PCDHGA4: variants seen among roughly 807,000 people sequenced by gnomAD.
The protein encoded by PCDHGA4 is protocadherin gamma-A4.
In PCDHGA4, 38 loss-of-function variants were observed where a neutral mutation model predicts 54.6. That is an observed-to-expected ratio of 0.70 (90% confidence interval 0.54 to 0.91). The LOEUF (loss-of-function observed/expected upper bound fraction) is 0.91, where lower values mean the gene tolerates loss of function less well. PCDHGA4 is among the 40% of genes least tolerant of loss of function. PCDHGA4 has a pLI of 0.00. For missense variants in PCDHGA4, 1,298 were observed against 1,220.9 expected (o/e 1.06, Z -0.94); for synonymous variants, 511 against 512.9 (o/e 1.00, Z 0.05).
chr5:141,393,656 C>T (rs762750239), intron 1 of PCDHGA4: 2 of 1,613,868 alleles, frequency 1.2e-6, no homozygotes, highest in East Asian at 4.5e-5. Context: ...CATACAAATT[C>T]CGGAAAATTA....
At chr5:141,417,753 C>T (rs889153718) in intron 1 of PCDHGA4, 3 of 1,431,672 alleles carry the variant, frequency 2.1e-6, no homozygotes, top group African/African-American at 2.9e-5. Flanking sequence ...ATTGCCAGCT[C>T]CGAGACCCGG....
At chr5:141,385,591 T>C in intron 1 of PCDHGA4, 3 of 1,245,038 alleles carry the variant, frequency 2.4e-6, no homozygotes, top group Non-Finnish European at 3.0e-6. Context: ...TGTTCCAACC[T>C]ACTTTCTTAA....
chr5:141,371,867 C>T (rs1452583584), intron 1 of PCDHGA4: 3 of 1,613,430 alleles, frequency 1.9e-6, no homozygotes, highest in African/African-American at 1.3e-5. Context: ...CCTACTACAT[C>T]GTGGCCAGTG....
chr5:141,388,871 C>T, intron 1 of PCDHGA4: 2 of 1,613,930 alleles, frequency 1.2e-6, no homozygotes, highest in Non-Finnish European at 8.5e-7. Flanking sequence ...TTGCGCAATG[C>T]ACAGTGGAGG....
chr5:141,490,618 A>G lies in PCDHGA4; in HGVS notation c.2515-4189A>G, dbSNP rs1463273520. On this transcript the variant is annotated intron_variant, in intron 1 of 3. Transcript: ENST00000571252. The surrounding 1 kb of genome is among the most constrained non-coding windows in gnomAD (Gnocchi z 5.4). ...ACCCCGCTTCAACCAGCAGCTTTAC[A>G]CTGCTTACATCCTAGAAAACCGGCC... 4.3e-6 allele frequency: 7 copies of G among 1,613,986 alleles called. No homozygotes were observed. Among genetic ancestry groups the G allele is most frequent in the Admixed American group, 1.7e-5 (1 of 59,996 alleles).
intron 1 of PCDHGA4, chr5:141,408,888 A>G: frequency 1.2e-6 from 2 of 1,613,352 alleles, no homozygotes; most frequent in Non-Finnish European, 1.7e-6. Context: ...GCTCACATAG[A>G]AATTTCTGTC....
Position 141,489,492 on chromosome 5 carries a change from G to T in PCDHGA4, c.2515-5315G>T, listed in dbSNP as rs1258376136. On this transcript the variant is annotated intron_variant, in intron 1 of 3. Coordinates refer to ENST00000571252, the MANE Select transcript of PCDHGA4 (RefSeq NM_018917.4). The surrounding 1 kb of genome is among the most constrained non-coding windows in gnomAD (Gnocchi z 4.5). ...CCCTGAGCTTGATGAGTGGTGCCCT[G>T]GCAGTGAATCAAAAGATTGACCGAG... 1 of 1,614,042 alleles carries T rather than the reference G, an allele frequency of 6.2e-7. No individual in the cohort carries two copies. The highest frequency in any genetic ancestry group is 1.1e-5 in the South Asian group (1 of 91,078).
At position 141,477,924 on chromosome 5, in the gene PCDHGA4, A is replaced by G; in HGVS notation, c.2515-16883A>G. 1 of 1,614,140 alleles carries G rather than the reference A, an allele frequency of 6.2e-7. No homozygotes were observed. On this transcript the variant is annotated intron_variant, in intron 1 of 3. Transcript: ENST00000571252. The surrounding 1 kb of genome is among the most constrained non-coding windows in gnomAD (Gnocchi z 4.9). ...GGCTGGGACGCGGATGCAGGGCACA[A>G]TGCCTGGCTCTCCTACAGTCTCTTG...
chr5:141,492,220 C>T (rs1388948434), intron 1 of PCDHGA4, among the ~76,000 whole-genome samples: 2 of 152,190 alleles, frequency 1.3e-5, no homozygotes, highest in Non-Finnish European at 1.5e-5. Context: ...GGGGCTCATG[C>T]GTGTCCTCCC....
At position 141,423,758 on chromosome 5, in the gene PCDHGA4, G is replaced by GC. The variant is rs1554116873; in HGVS notation, c.2514+66137_2514+66138insC. 1.7e-4 allele frequency: 62 copies of GC among 366,836 alleles called. 2 individuals are homozygous for GC. The highest frequency in any genetic ancestry group is 4.2e-4 in the Middle Eastern group (1 of 2,358). The allele number at this position is 366,836 out of a possible 1,614,324, so 22.7% of individuals were successfully genotyped here. Reference sequence around the variant, plus strand: ...CTGTTATGAAAACTGTTTGGGGGGGGGGTGGGGCGGCATATATTTAGTTCA... The same window carrying GC: ...CTGTTATGAAAACTGTTTGGGGGGGGCGGTGGGGCGGCATATATTTAGTTCA... On this transcript the variant is annotated intron_variant, in intron 1 of 3. Coordinates refer to ENST00000571252, the MANE Select transcript of PCDHGA4 (RefSeq NM_018917.4).
intron 2 of PCDHGA4, among the ~76,000 whole-genome samples, chr5:141,501,956 A>G (rs527567012): frequency 6.6e-6 from 1 of 152,136 alleles, no homozygotes; most frequent in Non-Finnish European, 1.5e-5. Context: ...GTGACAGGTC[A>G]TCCTCCTAAC....
chr5:141,372,918 G>A (rs1350578389), intron 1 of PCDHGA4: 1 of 1,022,894 alleles, frequency 9.8e-7, no homozygotes, highest in African/African-American at 1.6e-5. Flanking sequence ...TTATTTTATT[G>A]ATTTTCTGGT....
chr5:141,492,723 C>T (rs896613323), intron 1 of PCDHGA4, among the ~76,000 whole-genome samples: 2 of 152,268 alleles, frequency 1.3e-5, no homozygotes, highest in African/African-American at 4.8e-5. Flanking sequence ...GGCGGACAGG[C>T]AGAGCTGCCC....
rs759193676 is a variant in PCDHGA4 at position 141,355,515 on chromosome 5, C to T, written c.408C>T (p.Asn136=). The change falls in exon 1 of 4, where the codon AAC becomes AAT. Residue 136 remains asparagine, a synonymous_variant. Transcript: ENST00000571252. ...LCDRSPNCVT[N]LEILLEDTVK... The stretch of plus-strand genomic sequence containing the variant: ...ACAGATCTCCAAACTGTGTGACAAA[C>T]CTGGAGATTCTTCTAGAAGATACAG... 8.1e-6 allele frequency: 13 copies of T among 1,614,008 alleles called. No homozygotes were observed. The East Asian group carries it at 1.1e-4, about 14-fold the overall frequency.
At chr5:141,387,663 T>G (rs999949836) in intron 1 of PCDHGA4, 6 of 673,368 alleles carry the variant, frequency 8.9e-6, no homozygotes, top group Admixed American at 6.4e-5. Flanking sequence ...AGCTTGGCGC[T>G]CCAGATCTCC....
At chr5:141,387,707 C>A (rs1441500005) in intron 1 of PCDHGA4, 1 of 994,952 alleles carries the variant, frequency 1.0e-6, no homozygotes, top group Non-Finnish European at 1.5e-6. Flanking sequence ...CAGGGCAGCC[C>A]CAGCTCAGAC....
At position 141,477,019 on chromosome 5, in the gene PCDHGA4, C is replaced by T. The variant is rs148675327; in HGVS notation, c.2515-17788C>T. 1.9e-5 allele frequency: 30 copies of T among 1,614,242 alleles called. No individual in the cohort carries two copies. Among genetic ancestry groups the T allele is most frequent in the Non-Finnish European group, 2.5e-5 (30 of 1,180,048 alleles). On this transcript the variant is annotated intron_variant, in intron 1 of 3. Transcript: ENST00000571252. This position sits in a 1 kb window ranked among gnomAD's most constrained non-coding sequence, Gnocchi z 4.9. ...AACTATTCGCCTTAGACCTTGTAAC[C>T]GGGATGCTGACAATCAAGGGTCGGC...
At chr5:141,427,945 A>G (rs747625541) in intron 1 of PCDHGA4, 22 of 1,586,364 alleles carry the variant, frequency 1.4e-5, no homozygotes, top group Middle Eastern at 1.7e-4. Flanking sequence ...GGCGACCTCA[A>G]TGACAATGTG....
chr5:141,375,505 G>A lies in PCDHGA4; in HGVS notation c.2514+17884G>A, dbSNP rs551956324. On this transcript the variant is annotated intron_variant, in intron 1 of 3. Coordinates refer to ENST00000571252, the MANE Select transcript of PCDHGA4 (RefSeq NM_018917.4). The stretch of plus-strand genomic sequence containing the variant: ...CCAGGGGTGCCTCCATCTTCTCTGT[G>A]AATGCACTGGACCCTGACGTGGACC... The A allele has an allele frequency of 1.5e-5, 25 of 1,613,998 alleles. 1 individual carries two copies. The South Asian group carries it at 2.7e-4, about 18-fold the overall frequency.
Sources: gnomAD v4.1 joint callset for allele counts (sites outside exome capture counted in the v4.1 genomes callset) on GRCh38, gnomAD v4.1.1 for gene constraint, Gnocchi (gnomAD v3.1) non-coding constraint, MANE v1.5 for transcripts, NCBI Gene and HGNC (gene_info 2026-07-23, HGNC 2026-07-21) for gene names.